TUNAR: variants seen among roughly 807,000 people sequenced by gnomAD.
The protein encoded by TUNAR is transmembrane neural differentiation associated intracellular calcium regulator.
At chr14:95,885,393 T>C (rs552537096) in intron 2 of TUNAR, among the ~76,000 whole-genome samples, 1 of 152,318 alleles carries the variant, frequency 6.6e-6, no homozygotes, top group African/African-American at 2.4e-5. Flanking sequence ...CGTAACTACC[T>C]GTAGCTAATT....
At position 95,879,010 on chromosome 14, in the gene TUNAR, A is replaced by G. The variant is rs148139291; in HGVS notation, c.12+1833A>G. On this transcript the variant is annotated intron_variant, in intron 2 of 2. Transcript: ENST00000678517. ...GTGATTTTTTTTTTAGACTCTTCCAACTGCATTGTTTGCTGAGTATATTAG... is the reference window on the plus strand; with the variant it reads ...GTGATTTTTTTTTTAGACTCTTCCAGCTGCATTGTTTGCTGAGTATATTAG... 5.9e-5 allele frequency among the ~76,000 whole-genome samples: 9 copies of G among 152,296 alleles called. No individual in the cohort carries two copies. In the East Asian group the frequency reaches 1.7e-3, roughly 29 times the overall value.
intron 2 of TUNAR, among the ~76,000 whole-genome samples, chr14:95,920,165 G>A (rs1889666529): frequency 6.6e-6 from 1 of 152,154 alleles, no homozygotes; most frequent in African/African-American, 2.4e-5. Flanking sequence ...ACTCAAAAGA[G>A]GACATACTGT....
intron 2 of TUNAR, among the ~76,000 whole-genome samples, chr14:95,912,364 A>G (rs1452606462): frequency 6.6e-6 from 1 of 152,186 alleles, no homozygotes; most frequent in Non-Finnish European, 1.5e-5. Flanking sequence ...TACATTACCT[A>G]ATATTCTCAC....
intron 2 of TUNAR, among the ~76,000 whole-genome samples, chr14:95,883,675 G>T (rs1370410406): frequency 6.6e-6 from 1 of 152,100 alleles, no homozygotes; most frequent in African/African-American, 2.4e-5. Context: ...AGGCTGGGAG[G>T]CAGGGGGCCT....
At chr14:95,888,739 G>T (rs1269837760) in intron 2 of TUNAR, among the ~76,000 whole-genome samples, 1 of 152,184 alleles carries the variant, frequency 6.6e-6, no homozygotes, top group Admixed American at 6.5e-5. Context: ...AGCCTCAGAA[G>T]TCACATAGTA....
chr14:95,895,648 T>C lies in TUNAR; in HGVS notation c.12+18471T>C, dbSNP rs1401290589. Among the ~76,000 whole-genome samples, 1 of 152,048 alleles carries C rather than the reference T, an allele frequency of 6.6e-6. No homozygotes were observed. The highest frequency in any genetic ancestry group is 2.4e-5 in the African/African-American group (1 of 41,392). On this transcript the variant is annotated intron_variant, in intron 2 of 2. Coordinates refer to ENST00000678517, the Ensembl canonical transcript of TUNAR. The surrounding 1 kb of genome is among the most constrained non-coding windows in gnomAD (Gnocchi z 4.5). ...AAAGCCCTTCCAAGGGCTTCCAGGG[T>C]CTCTGATCTTCCTGGCATAGCTCTC...
At chr14:95,903,750 A>C (rs1889389756) in intron 2 of TUNAR, among the ~76,000 whole-genome samples, 1 of 152,284 alleles carries the variant, frequency 6.6e-6, no homozygotes, top group Admixed American at 6.5e-5. Context: ...TTCTCACTTT[A>C]GGTCTCCTGG....
At chr14:95,923,987 A>G (rs1338579516) in exon 3 of TUNAR, 2 of 152,188 alleles carry the variant, frequency 1.3e-5, no homozygotes, top group African/African-American at 4.8e-5. Context: ...ATATTTGCAG[A>G]TGAACTTTTG....
At chr14:95,914,861 A>T (rs1377786421) in intron 2 of TUNAR, among the ~76,000 whole-genome samples, 2 of 152,182 alleles carry the variant, frequency 1.3e-5, no homozygotes, top group Non-Finnish European at 2.9e-5. Context: ...ACAAAATTGG[A>T]TCCCAGCTAT....
At chr14:95,892,121 T>C (rs184816915) in intron 2 of TUNAR, among the ~76,000 whole-genome samples, 1 of 152,326 alleles carries the variant, frequency 6.6e-6, no homozygotes, top group Non-Finnish European at 1.5e-5. Context: ...TGAGCATATC[T>C]TTTGGGGGGA....
chr14:95,902,173 A>C (rs549205973), intron 2 of TUNAR, among the ~76,000 whole-genome samples: 2 of 152,326 alleles, frequency 1.3e-5, no homozygotes, highest in East Asian at 3.9e-4. Flanking sequence ...TTTCCAGTGT[A>C]GCACCTTATA....
chr14:95,920,360 C>T (rs1889675765), intron 2 of TUNAR, among the ~76,000 whole-genome samples: 1 of 152,028 alleles, frequency 6.6e-6, no homozygotes, highest in African/African-American at 2.4e-5. Flanking sequence ...TCAAGCTGTA[C>T]ATTTAAACTT....
chr14:95,884,935 C>T (rs1461160755), intron 2 of TUNAR, among the ~76,000 whole-genome samples: 4 of 152,116 alleles, frequency 2.6e-5, no homozygotes, highest in Non-Finnish European at 5.9e-5. Context: ...AACAGCAGCC[C>T]TCTTGGGGCC....
intron 2 of TUNAR, among the ~76,000 whole-genome samples, chr14:95,886,642 G>T (rs569444412): frequency 1.3e-5 from 2 of 152,322 alleles, no homozygotes; most frequent in South Asian, 4.1e-4. Context: ...ACATGGGCCT[G>T]GGAAGGGAAT....
At chr14:95,878,440 A>G (rs1352876246) in intron 2 of TUNAR, among the ~76,000 whole-genome samples, 6 of 152,016 alleles carry the variant, frequency 3.9e-5, no homozygotes, top group Non-Finnish European at 7.4e-5. Context: ...GTCTACACGT[A>G]CATTTGTGTT....
At chr14:95,884,311 C>T (rs570799761) in intron 2 of TUNAR, among the ~76,000 whole-genome samples, 11 of 152,268 alleles carry the variant, frequency 7.2e-5, no homozygotes, top group African/African-American at 2.6e-4. Context: ...CACCACCTGC[C>T]CCCTTGCTTC....
At chr14:95,913,267 T>G (rs957152598) in intron 2 of TUNAR, among the ~76,000 whole-genome samples, 1 of 151,830 alleles carries the variant, frequency 6.6e-6, no homozygotes, top group Non-Finnish European at 1.5e-5. Flanking sequence ...ATCATCTAGG[T>G]TTTAAGCCCC....
At chr14:95,876,679 C>A (rs1888883956) in intron 1 of TUNAR, 153 bp from the exon 1 acceptor site, 1 of 152,316 alleles carries the variant, frequency 6.6e-6, no homozygotes, top group African/African-American at 2.4e-5. Context: ...CCACCGTGGC[C>A]GCCGGACCGG....
intron 2 of TUNAR, among the ~76,000 whole-genome samples, chr14:95,914,404 A>G (rs754641254): frequency 3.3e-5 from 5 of 152,226 alleles, no homozygotes; most frequent in Admixed American, 6.5e-5. Flanking sequence ...AAGTCATGGC[A>G]TACTGTGGTG....
Sources: allele counts gnomAD v4.1 joint callset (sites outside exome capture counted in the v4.1 genomes callset), GRCh38; gene constraint gnomAD v4.1.1; non-coding constraint Gnocchi (gnomAD v3.1); transcripts MANE v1.5; gene names NCBI Gene and HGNC (gene_info 2026-07-23, HGNC 2026-07-21).